NF1: variants seen among roughly 807,000 people sequenced by gnomAD.
NF1 encodes neurofibromin 1, also known as neurofibromin.
Under a neutral mutation model 325.7 loss-of-function variants are expected in NF1, and 122 were observed. The ratio of observed to expected loss-of-function variants is 0.37; its 90% CI spans 0.32 to 0.44. The LOEUF (loss-of-function observed/expected upper bound fraction) is 0.44. Ranked by LOEUF, NF1 falls within the 20% of genes least tolerant of loss-of-function variation. The pLI is 1.00. For missense variants in NF1, 2,140 were observed against 3,415.4 expected (o/e 0.63, Z 9.31); for synonymous variants, 1,091 against 1,186.0 (o/e 0.92, Z 1.65).
At chr17:31,212,277 T>G (rs540830556) in intron 12 of NF1, among the ~76,000 whole-genome samples, 41 of 152,282 alleles carry the variant, frequency 2.7e-4, no homozygotes, top group Non-Finnish European at 5.0e-4. Flanking sequence ...ATTGGAAGGT[T>G]TTTAGGGGAA....
rs2067077178 is a variant in NF1 at position 31,229,582 on chromosome 17, A to G, written c.2850+117A>G. 3.9e-6 allele frequency: 5 copies of G among 1,280,020 alleles called. No individual in the cohort carries two copies. The Admixed American group carries it at 5.9e-5, about 15-fold the overall frequency. The allele number at this position is 1,280,020 out of a possible 1,614,324, so 79.3% of individuals were successfully genotyped here. A position where few individuals can be genotyped will look rare whatever the true frequency, so the allele number is the denominator to read the frequency against. ...CTCACAGTTTTTAAAAATTTCCAAA[A>G]AATTGCAGAAAGAAGAGTCATCTCA... On this transcript the variant is annotated intron_variant, in intron 21 of 57. Transcript: ENST00000358273.
intron 36 of NF1, among the ~76,000 whole-genome samples, chr17:31,313,400 T>A (rs1184038087): frequency 6.6e-6 from 1 of 152,114 alleles, no homozygotes; most frequent in African/African-American, 2.4e-5. Context: ...ATTCTAAAAC[T>A]AAGGTTAACA....
rs71142016 is a variant in NF1 at position 31,100,008 on chromosome 17, TA to T, written c.60+4655del. On this transcript the variant is annotated intron_variant, in intron 1 of 57. Transcript: ENST00000358273. ...ATGGGAAAACTATGGATATTTGAAC[TA>T]AAAAAAAAAAAAAAAGAATTAAAAA... 2.1e-3 allele frequency among the ~76,000 whole-genome samples: 280 copies of T among 130,732 alleles called. 1 individual carries two copies. The highest frequency in any genetic ancestry group is 3.3e-3 in the African/African-American group (104 of 31,546). The allele number at this position is 130,732 out of a possible 152,430, so 85.8% of individuals were successfully genotyped here.
chr17:31,099,993 T>C (rs1245502026), intron 1 of NF1, among the ~76,000 whole-genome samples: 1 of 140,682 alleles, frequency 7.1e-6, no homozygotes. Context: ...ATGGGAAAAC[T>C]ATGGATATTT....
chr17:31,153,026 A>T (rs1917056526), intron 1 of NF1, among the ~76,000 whole-genome samples: 1 of 152,148 alleles, frequency 6.6e-6, no homozygotes, highest in African/African-American at 2.4e-5. Context: ...AATAAAAAAA[A>T]AATGGTCTCA....
Position 31,181,800 on chromosome 17 carries a change from G to A in NF1, c.730+15G>A, listed in dbSNP as rs766842556. The A allele has an allele frequency of 6.8e-7, 1 of 1,464,722 alleles. No homozygotes were observed. Among genetic ancestry groups the A allele is most frequent in the South Asian group, 1.2e-5 (1 of 81,334 alleles). The allele number at this position is 1,464,722 out of a possible 1,614,324, so 90.7% of individuals were successfully genotyped here. Reference sequence around the variant, plus strand: ...TGATATGGCTGGTAAGGATACGATTGATTTTTTTTTTTTTTTTGTCTTTTA... The same window carrying A: ...TGATATGGCTGGTAAGGATACGATTAATTTTTTTTTTTTTTTTGTCTTTTA... On this transcript the variant is annotated intron_variant, in intron 7 of 57. Coordinates refer to ENST00000358273, the MANE Select transcript of NF1 (RefSeq NM_001042492.3).
chr17:31,320,517 T>C, intron 36 of NF1: 1 of 1,180,974 alleles, frequency 8.5e-7, no homozygotes, highest in Non-Finnish European at 1.2e-6. Flanking sequence ...TTGTATACTA[T>C]TAAAATACAG....
intron 1 of NF1, among the ~76,000 whole-genome samples, chr17:31,114,015 A>G (rs1457789434): frequency 6.6e-6 from 1 of 152,214 alleles, no homozygotes; most frequent in South Asian, 2.1e-4. Context: ...TTCCTTCTGA[A>G]TATCCTGTTA....
chr17:31,210,323 C>T (rs1304386712), intron 12 of NF1, among the ~76,000 whole-genome samples: 1 of 152,168 alleles, frequency 6.6e-6, no homozygotes. Flanking sequence ...TGGCTCATGC[C>T]TATAATACCA....
chr17:31,181,583 T>C lies in NF1; in HGVS notation c.654+94T>C, dbSNP rs1305532998. The C allele has an allele frequency of 1.8e-5, 24 of 1,329,514 alleles. 1 individual carries two copies. In the East Asian group the frequency reaches 5.3e-4, roughly 29 times the overall value. 82.4% of individuals were successfully genotyped at this position (1,329,514 alleles called of 1,614,324 possible). On this transcript the variant is annotated intron_variant, in intron 6 of 57. Coordinates refer to ENST00000358273, the MANE Select transcript of NF1 (RefSeq NM_001042492.3). ...AATCAAAAAGTTATGACTTGAGTGATAGTTTCACATTCATTTTCAGGAAGA... is the reference window on the plus strand; with the variant it reads ...AATCAAAAAGTTATGACTTGAGTGACAGTTTCACATTCATTTTCAGGAAGA...
At chr17:31,271,523 G>C (rs367877101) in intron 36 of NF1, among the ~76,000 whole-genome samples, 2 of 152,110 alleles carry the variant, frequency 1.3e-5, no homozygotes, top group African/African-American at 4.8e-5. Flanking sequence ...AAGCCAAGGC[G>C]GGTAGATCCC....
intron 3 of NF1, among the ~76,000 whole-genome samples, chr17:31,162,830 C>G (rs1223150853): frequency 6.6e-6 from 1 of 152,130 alleles, no homozygotes; most frequent in Non-Finnish European, 1.5e-5. Context: ...ACTCATCAAT[C>G]AATATGAATT....
chr17:31,108,861 G>A (rs1225356633), intron 1 of NF1, among the ~76,000 whole-genome samples: 2 of 152,164 alleles, frequency 1.3e-5, no homozygotes, highest in Non-Finnish European at 2.9e-5. Flanking sequence ...TTCCTAATAT[G>A]TTGAAGAGAG....
chr17:31,246,654 G>C (rs1416146942), intron 29 of NF1, among the ~76,000 whole-genome samples: 1 of 152,160 alleles, frequency 6.6e-6, no homozygotes, highest in Non-Finnish European at 1.5e-5. Context: ...TGAGAGTTCA[G>C]ATTAGGCTAG....
At position 31,343,283 on chromosome 17, in the gene NF1, G is replaced by A. The variant is rs183571166; in HGVS notation, c.7189+148G>A. Reference sequence around the variant, plus strand: ...AACTAGGCCAGGCGTGGTGGCTCACGTCTGTAATACCAACATTTTGGGAGG... The same window carrying A: ...AACTAGGCCAGGCGTGGTGGCTCACATCTGTAATACCAACATTTTGGGAGG... On this transcript the variant is annotated intron_variant, in intron 48 of 57. Transcript: ENST00000358273. 635 of 771,560 alleles carry A rather than the reference G, an allele frequency of 8.2e-4. 4 individuals carry two copies. In the African/African-American group the frequency reaches 8.9e-3, roughly 11 times the overall value. 47.8% of individuals were successfully genotyped at this position (771,560 alleles called of 1,614,324 possible). A position where few individuals can be genotyped will look rare whatever the true frequency, so the allele number is the denominator to read the frequency against.
chr17:31,141,887 T>C (rs1916243412), intron 1 of NF1, among the ~76,000 whole-genome samples: 1 of 152,194 alleles, frequency 6.6e-6, no homozygotes, highest in Non-Finnish European at 1.5e-5. Context: ...GTTTGTTACC[T>C]GGTGTCTAGA....
intron 12 of NF1, among the ~76,000 whole-genome samples, chr17:31,206,996 A>G (rs536064693): frequency 2.0e-5 from 3 of 152,250 alleles, no homozygotes; most frequent in African/African-American, 4.8e-5. Flanking sequence ...TATGGAATCA[A>G]TTTAAAAAGA....
intron 1 of NF1, among the ~76,000 whole-genome samples, chr17:31,148,444 A>C (rs1916725156): frequency 6.7e-6 from 1 of 148,590 alleles, no homozygotes; most frequent in Admixed American, 6.8e-5. Context: ...TTCCTAAAGG[A>C]GTCCAGATTC....
Position 31,229,737 on chromosome 17 carries a change from C to T in NF1, c.2851-98C>T, listed in dbSNP as rs2067080163. ...ATTTGGCTCTATGCCTGTGGGTGCA[C>T]TTACTCTGTGTGTTTAGATCAGTCA... On this transcript the variant is annotated intron_variant, in intron 21 of 57. Transcript: ENST00000358273. The T allele has an allele frequency of 2.0e-6, 3 of 1,483,152 alleles. 1 individual carries two copies. In the South Asian group the frequency reaches 3.4e-5, roughly 17 times the overall value. The allele number at this position is 1,483,152 out of a possible 1,614,324, so 91.9% of individuals were successfully genotyped here. A position where few individuals can be genotyped will look rare whatever the true frequency, so the allele number is the denominator to read the frequency against.
Sources: gnomAD v4.1 joint callset for allele counts (sites outside exome capture counted in the v4.1 genomes callset) on GRCh38, gnomAD v4.1.1 for gene constraint, MANE v1.5 for transcripts, NCBI Gene and HGNC (gene_info 2026-07-23, HGNC 2026-07-21) for gene names.